The following RAB11FIP4 variants were observed in gnomAD, a reference collection of about 807,000 sequenced individuals.
The protein encoded by RAB11FIP4 is RAB11 family interacting protein 4.
A neutral mutation model predicts 74.3 loss-of-function variants in RAB11FIP4; 23 were observed. The observed-to-expected ratio is 0.31, with a 90% CI of 0.22 to 0.44. RAB11FIP4 has a LOEUF of 0.44. Among genes scored for constraint, RAB11FIP4 ranks in the 20% least tolerant of loss-of-function variants. RAB11FIP4 has a pLI of 1.00. For missense variants in RAB11FIP4, 630 were observed against 863.9 expected, an observed-to-expected ratio of 0.73 and a Z score of 3.39; for synonymous variants, 360 against 359.9, an observed-to-expected ratio of 1.00 and a Z score of 0.00.
intron 1 of RAB11FIP4, among the ~76,000 whole-genome samples, chr17:31,426,659 C>A (rs991213724): frequency 7.3e-6 from 1 of 136,266 alleles, no homozygotes; most frequent in African/African-American, 2.8e-5. Context: ...AGTGCAATGG[C>A]ACCATCTTGG....
rs1050980903 is a variant in RAB11FIP4 at position 31,523,895 on chromosome 17, A to G, written c.1032A>G (p.Val344=). The G allele has an allele frequency of 8.1e-6, 13 of 1,608,908 alleles. No individual in the cohort carries two copies. Among genetic ancestry groups the G allele is most frequent in the Non-Finnish European group, 1.1e-5 (13 of 1,177,810 alleles). Residue 344 remains valine (V), a splice_region_variant and synonymous_variant, in exon 9 of 15, where the codon GTA becomes GTG. Coordinates refer to ENST00000621161, the MANE Select transcript of RAB11FIP4 (RefSeq NM_032932.6). The stretch of plus-strand genomic sequence containing the variant: ...CCCACCCCGGCCCCCTGCTGCAGGT[A>G]AGCTTCCTGGAAAAGAAGGTGACAG... ...DSCDNDITEK[V]SFLEKKVTEL... is the part of the protein sequence containing the mutation.
chr17:31,399,093 G>A (rs1264111857), intron 1 of RAB11FIP4, among the ~76,000 whole-genome samples: 2 of 152,044 alleles, frequency 1.3e-5, no homozygotes, highest in East Asian at 3.9e-4. Flanking sequence ...TGGAGTGTAG[G>A]GCGGAGGGCT....
chr17:31,469,932 G>A (rs1418549065), intron 3 of RAB11FIP4, among the ~76,000 whole-genome samples: 1 of 152,194 alleles, frequency 6.6e-6, no homozygotes, highest in Non-Finnish European at 1.5e-5. Context: ...GGCTTTACCT[G>A]AGCTGACATA....
At chr17:31,494,911 C>T (rs930009135) in intron 3 of RAB11FIP4, among the ~76,000 whole-genome samples, 1 of 152,230 alleles carries the variant, frequency 6.6e-6, no homozygotes, top group African/African-American at 2.4e-5. Flanking sequence ...GACTTCTCCC[C>T]AGGTTCAGTG....
intron 1 of RAB11FIP4, among the ~76,000 whole-genome samples, chr17:31,422,172 C>T (rs1266092958): frequency 6.6e-6 from 1 of 152,266 alleles, no homozygotes; most frequent in East Asian, 1.9e-4. Flanking sequence ...AAGATCCTGC[C>T]TCCCCACCAC....
intron 2 of RAB11FIP4, 46 bp downstream of exon 2, chr17:31,431,946 C>G (rs573283579): frequency 7.1e-7 from 1 of 1,415,486 alleles, no homozygotes; most frequent in South Asian, 1.2e-5. Flanking sequence ...CCGGTCCTGC[C>G]CAGCTGGGGA....
intron 1 of RAB11FIP4, among the ~76,000 whole-genome samples, chr17:31,411,659 T>G (rs765545319): frequency 4.6e-5 from 7 of 152,214 alleles, no homozygotes; most frequent in Admixed American, 1.3e-4. Context: ...GCCTCAATCA[T>G]GGATGAGGCC....
intron 3 of RAB11FIP4, among the ~76,000 whole-genome samples, chr17:31,511,290 G>A (rs758282804): frequency 2.6e-5 from 4 of 152,148 alleles, no homozygotes; most frequent in South Asian, 2.1e-4. Flanking sequence ...TGTGTTCCGC[G>A]CCCTCATGAC....
At chr17:31,464,815 C>T (rs1307003195) in intron 3 of RAB11FIP4, among the ~76,000 whole-genome samples, 1 of 125,550 alleles carries the variant, frequency 8.0e-6, no homozygotes, top group African/African-American at 3.0e-5. Context: ...GGCTGGAGTG[C>T]AGTGGCACGA....
At chr17:31,460,931 A>T (rs2142716470) in intron 3 of RAB11FIP4, among the ~76,000 whole-genome samples, 1 of 152,026 alleles carries the variant, frequency 6.6e-6, no homozygotes, top group Middle Eastern at 3.4e-3. Context: ...AGGAGTTACC[A>T]CACACAGCTA....
intron 3 of RAB11FIP4, among the ~76,000 whole-genome samples, chr17:31,458,600 A>G (rs1407565136): frequency 6.6e-6 from 1 of 152,086 alleles, no homozygotes; most frequent in Non-Finnish European, 1.5e-5. Flanking sequence ...AGCCTGGGAG[A>G]TGCATCAAGG....
rs192030791 is a variant in RAB11FIP4, at chr17:31,458,200, A to T, written c.336+24078A>T. ...TCCAGTTGCCTCAGAATGCGGGCTG[A>T]GTCCACCTTTCCTGAGGCTCCTCAG... On this transcript the variant is annotated intron_variant, in intron 3 of 14. Transcript: ENST00000621161. Among the ~76,000 whole-genome samples the T allele has an allele frequency of 2.6e-5, 4 of 152,262 alleles. No homozygotes were observed. The East Asian group carries it at 5.8e-4, about 22-fold the overall frequency.
At chr17:31,392,421 G>T (rs140529657) in intron 1 of RAB11FIP4, 1,907 of 155,636 alleles carry the variant, frequency 0.012, 18 homozygotes, top group Non-Finnish European at 0.019. Flanking sequence ...GCCGGGCCAG[G>T]GGGTGAAAGG....
intron 3 of RAB11FIP4, among the ~76,000 whole-genome samples, chr17:31,511,867 C>G (rs528827659): frequency 6.6e-6 from 1 of 152,368 alleles, no homozygotes; most frequent in African/African-American, 2.4e-5. Flanking sequence ...GACTTGGGGC[C>G]TGCTGGCAGG....
At chr17:31,476,879 C>CA (rs2071799079) in intron 3 of RAB11FIP4, among the ~76,000 whole-genome samples, 1 of 152,194 alleles carries the variant, frequency 6.6e-6, no homozygotes, top group South Asian at 2.1e-4. Flanking sequence ...CCAGCCCTGG[C>CA]AGGGGAGGCA....
chr17:31,393,726 C>T (rs950847360), intron 1 of RAB11FIP4, among the ~76,000 whole-genome samples: 5 of 152,190 alleles, frequency 3.3e-5, no homozygotes, highest in Non-Finnish European at 7.3e-5. Context: ...GCTCCATACT[C>T]CCATTTTCCC....
At chr17:31,431,299 T>C (rs577821864) in intron 1 of RAB11FIP4, among the ~76,000 whole-genome samples, 10 of 152,264 alleles carry the variant, frequency 6.6e-5, no homozygotes, top group African/African-American at 2.4e-4. Context: ...GGTGAAAACT[T>C]ACTTCCTTAT....
Position 31,402,871 on chromosome 17 carries a change from C to T in RAB11FIP4, c.159+10860C>T, listed in dbSNP as rs918720731. On this transcript the variant is annotated intron_variant, in intron 1 of 14. Transcript: ENST00000621161. Reference sequence around the variant, plus strand: ...CGATCTCCTGACCTTGTGATCCACCCGCCTTGGCCTCCCAAAGTGCTGGGA... The same window carrying T: ...CGATCTCCTGACCTTGTGATCCACCTGCCTTGGCCTCCCAAAGTGCTGGGA... 9.3e-4 allele frequency among the ~76,000 whole-genome samples: 141 copies of T among 152,058 alleles called. 1 individual carries two copies. The highest frequency in any genetic ancestry group is 3.4e-3 in the Middle Eastern group (1 of 294).
At position 31,528,612 on chromosome 17, in the gene RAB11FIP4, C is replaced by T. The variant is rs867722572; in HGVS notation, c.1495-8C>T. 6.2e-7 allele frequency: 1 copy of T among 1,613,304 alleles called. No individual in the cohort carries two copies. Among genetic ancestry groups the T allele is most frequent in the African/African-American group, 1.3e-5 (1 of 75,056 alleles). On this transcript the variant is annotated splice_region_variant and splice_polypyrimidine_tract_variant and intron_variant, in intron 12 of 14. Coordinates refer to ENST00000621161, the MANE Select transcript of RAB11FIP4 (RefSeq NM_032932.6). ...CTGCTCCTGCCAACCTGCTTCTCTC[C>T]CTCGCAGCTCATCGAGGACTTGCGG...
Sources: allele counts gnomAD v4.1 joint callset (sites outside exome capture counted in the v4.1 genomes callset), GRCh38; gene constraint gnomAD v4.1.1; transcripts MANE v1.5; gene names NCBI Gene and HGNC (gene_info 2026-07-23, HGNC 2026-07-21).